Variants in CRYBG1 observed in about 807,000 individuals in gnomAD.
CRYBG1 encodes the protein beta/gamma crystallin domain-containing protein 1.
Under a neutral mutation model 189.2 loss-of-function variants are expected in CRYBG1, and 139 were observed. The observed-to-expected ratio is 0.73, with a 90% CI of 0.64 to 0.85. CRYBG1 has a LOEUF of 0.85. Among genes scored for constraint, CRYBG1 ranks in the 40% least tolerant of loss-of-function variants. The pLI, the probability that CRYBG1 is intolerant of heterozygous loss-of-function variation, is 0.00. For synonymous variants in CRYBG1, 1,023 were observed against 1,017.1 expected (o/e 1.01, Z -0.11); for missense variants, 2,611 against 2,675.8 (o/e 0.98, Z 0.53).
intron 2 of CRYBG1, among the ~76,000 whole-genome samples, chr6:106,501,285 A>C (rs1053217792): frequency 5.9e-5 from 9 of 152,214 alleles, no homozygotes; most frequent in African/African-American, 1.9e-4. Context: ...CACCCTGCAT[A>C]GTTTGCATAT....
chr6:106,480,097 GAT>G (rs1772411736), intron 2 of CRYBG1, among the ~76,000 whole-genome samples: 1 of 152,084 alleles, frequency 6.6e-6, no homozygotes, highest in Non-Finnish European at 1.5e-5. Flanking sequence ...TGTGGGGTGA[GAT>G]AGGGGCCACC....
chr6:106,567,682 GAA>G (rs34224051), intron 21 of CRYBG1, among the ~76,000 whole-genome samples: 25,123 of 147,110 alleles, frequency 0.17, 2,603 homozygotes, highest in African/African-American at 0.3. Flanking sequence ...TTCTACACTG[GAA>G]AAAAAAAAAT....
At chr6:106,404,650 T>G (rs1225182553) in intron 1 of CRYBG1, among the ~76,000 whole-genome samples, 3 of 151,688 alleles carry the variant, frequency 2.0e-5, no homozygotes, top group Non-Finnish European at 4.4e-5. Context: ...ACACAGAAGG[T>G]GGGTGATTTC....
chr6:106,391,869 G>A (rs1770511002), intron 1 of CRYBG1, among the ~76,000 whole-genome samples: 1 of 151,882 alleles, frequency 6.6e-6, no homozygotes, highest in South Asian at 2.1e-4. Flanking sequence ...GTCATTAGAG[G>A]TGCTCCCACT....
chr6:106,385,402 T>C (rs1770365104), intron 1 of CRYBG1, among the ~76,000 whole-genome samples: 1 of 152,198 alleles, frequency 6.6e-6, no homozygotes. Flanking sequence ...GTGCATAGCC[T>C]CACATTCAGA....
At chr6:106,517,351 T>C (rs1427545009) in intron 3 of CRYBG1, among the ~76,000 whole-genome samples, 121 of 128,348 alleles carry the variant, frequency 9.4e-4, no homozygotes, top group Middle Eastern at 3.8e-3. Context: ...TACACACACA[T>C]ATATATATAC....
At chr6:106,560,683 C>T in intron 18 of CRYBG1, 120 bp from the exon 19 acceptor site, 1 of 1,186,456 alleles carries the variant, frequency 8.4e-7, no homozygotes, top group Non-Finnish European at 1.1e-6. Flanking sequence ...CATTTTTCCC[C>T]CAATGTATGT....
chr6:106,393,253 G>A (rs143897254), intron 1 of CRYBG1, among the ~76,000 whole-genome samples: 81 of 152,258 alleles, frequency 5.3e-4, no homozygotes, highest in African/African-American at 1.9e-3. Flanking sequence ...AAAAGAGAAG[G>A]CCCGGTAACA....
chr6:106,489,782 G>A (rs1772675850), intron 2 of CRYBG1, among the ~76,000 whole-genome samples: 1 of 94,020 alleles, frequency 1.1e-5, no homozygotes, highest in African/African-American at 5.4e-5. Flanking sequence ...GACAGACTCT[G>A]TGTCCAAAAA....
intron 1 of CRYBG1, among the ~76,000 whole-genome samples, chr6:106,420,969 G>A (rs991041926): frequency 3.3e-5 from 5 of 152,126 alleles, no homozygotes; most frequent in South Asian, 2.1e-4. Context: ...ACAGAGCAGC[G>A]AGGAAAGTAA....
intron 1 of CRYBG1, among the ~76,000 whole-genome samples, chr6:106,375,358 C>G (rs1770131489): frequency 6.6e-6 from 1 of 151,728 alleles, no homozygotes; most frequent in African/African-American, 2.4e-5. Flanking sequence ...TGCCCTGCAG[C>G]CTGGGAGACA....
rs1225889379 is a variant in CRYBG1 at position 106,511,916 on chromosome 6, A to G, written c.799A>G (p.Asn267Asp). 1.3e-6 allele frequency: 2 copies of G among 1,524,846 alleles called. No homozygotes were observed. Among genetic ancestry groups the G allele is most frequent in the African/African-American group, 2.7e-5 (2 of 72,870 alleles). 94.5% of individuals were successfully genotyped at this position (1,524,846 alleles called of 1,614,324 possible). The change falls in exon 3 of 22, where the codon AAC becomes GAC. Residue 267 changes from asparagine to aspartate, a missense_variant. Asn to Asp is a conservative substitution (Grantham distance 23, BLOSUM62 1). Coordinates refer to ENST00000633556, the MANE Select transcript of CRYBG1 (RefSeq NM_001371242.2). ...GCCGGGAAATTCCTCCAGGCAAGAG[A>G]ACGCAGAGACGCCCGCCCGCAGTCC... ...SSPGNSSRQE[N>D]AETPARSPGE... is the part of the protein sequence containing the mutation.
At chr6:106,448,459 T>C (rs4492224) in intron 1 of CRYBG1, among the ~76,000 whole-genome samples, 107,694 of 151,498 alleles carry the variant, frequency 0.71, 38,454 homozygotes, top group East Asian at 0.83. Flanking sequence ...CCCTCCCATC[T>C]GGGAGATCAT....
intron 21 of CRYBG1, among the ~76,000 whole-genome samples, chr6:106,565,320 C>CAA (rs10681180): frequency 0.35 from 51,471 of 147,856 alleles, 9,107 homozygotes; most frequent in South Asian, 0.45. Context: ...GACTTCGTCT[C>CAA]AAAAAAAAAA....
At position 106,415,153 on chromosome 6, in the gene CRYBG1, T is replaced by A. The variant is rs373177391; in HGVS notation, c.174-36541T>A. On this transcript the variant is annotated intron_variant, in intron 1 of 21. Transcript: ENST00000633556. ...TCAAAACTGGCAGAATGTCAAAGAC[T>A]GTCTTGTGATTTCAGCTTCTTACTC... is the stretch of plus-strand genomic sequence containing the variant. Among the ~76,000 whole-genome samples the A allele has an allele frequency of 5.3e-5, 8 of 152,352 alleles. No homozygotes were observed. In the East Asian group the frequency reaches 7.7e-4, roughly 15 times the overall value.
chr6:106,373,470 G>A (rs1411400889), intron 1 of CRYBG1, among the ~76,000 whole-genome samples: 4 of 152,182 alleles, frequency 2.6e-5, no homozygotes, highest in East Asian at 1.9e-4. Context: ...ATTTGTAGGC[G>A]ATACAGTTGG....
intron 1 of CRYBG1, among the ~76,000 whole-genome samples, chr6:106,439,121 T>C (rs1027348400): frequency 6.6e-6 from 1 of 151,914 alleles, no homozygotes; most frequent in Non-Finnish European, 1.5e-5. Flanking sequence ...TTTTCTTCTT[T>C]TAAAGAAAAA....
chr6:106,448,556 A>C (rs922201203), intron 1 of CRYBG1, among the ~76,000 whole-genome samples: 4 of 152,208 alleles, frequency 2.6e-5, no homozygotes, highest in African/African-American at 9.6e-5. Context: ...GCAGGTTCAC[A>C]GGGTTCAACA....
At chr6:106,489,062 A>G (rs9372132) in intron 2 of CRYBG1, among the ~76,000 whole-genome samples, 18,694 of 152,144 alleles carry the variant, frequency 0.12, 1,334 homozygotes, top group East Asian at 0.27. Flanking sequence ...AGTCTGTGGC[A>G]GTGTGGAGAC....
Sources: allele counts gnomAD v4.1 joint callset (sites outside exome capture counted in the v4.1 genomes callset), GRCh38; gene constraint gnomAD v4.1.1; transcripts MANE v1.5; gene names NCBI Gene and HGNC (gene_info 2026-07-23, HGNC 2026-07-21).